CHCHD3: variants seen among roughly 807,000 people sequenced by gnomAD.
CHCHD3 encodes the protein coiled-coil-helix-coiled-coil-helix domain containing 3.
A neutral mutation model predicts 38.2 loss-of-function variants in CHCHD3; 20 were observed. The ratio of observed to expected loss-of-function variants is 0.52; its 90% CI spans 0.37 to 0.76. CHCHD3 has a LOEUF of 0.76. CHCHD3 is among the 30% of genes least tolerant of loss of function. The pLI is 0.00. For missense variants in CHCHD3, 245 were observed against 279.2 expected (o/e 0.88, Z 0.87); for synonymous variants, 82 against 100.0 (o/e 0.82, Z 1.07).
chr7:132,857,781 G>C (rs1005528169), intron 5 of CHCHD3, among the ~76,000 whole-genome samples: 2 of 152,188 alleles, frequency 1.3e-5, no homozygotes, highest in Non-Finnish European at 2.9e-5. Context: ...GACTGCTTGT[G>C]ACCTTGGGCA....
intron 4 of CHCHD3, among the ~76,000 whole-genome samples, chr7:132,933,964 A>G (rs945780865): frequency 2.0e-5 from 3 of 152,236 alleles, no homozygotes; most frequent in Non-Finnish European, 4.4e-5. Flanking sequence ...CCTTGCCTTC[A>G]GCCTAAACTT....
chr7:132,786,039 A>G (rs1166862982), intron 7 of CHCHD3, among the ~76,000 whole-genome samples: 1 of 152,130 alleles, frequency 6.6e-6, no homozygotes, highest in Non-Finnish European at 1.5e-5. Context: ...TTAGCTGGGC[A>G]TGGTGGTGTG....
At position 132,833,212 on chromosome 7, in the gene CHCHD3, C is replaced by A. The variant is rs182800415; in HGVS notation, c.524+5187G>T. On this transcript the variant is annotated intron_variant, in intron 6 of 7. Transcript: ENST00000262570. ...TAGCGCCATATAATAGAAACTAGCA[C>A]CCTAAGTTGTTATAAAATGCGACAT... Among the ~76,000 whole-genome samples, 280 of 152,200 alleles carry A rather than the reference C, an allele frequency of 1.8e-3. 1 individual carries two copies. Among genetic ancestry groups the A allele is most frequent in the African/African-American group, 6.4e-3 (267 of 41,520 alleles).
chr7:133,049,182 T>C (rs183705873), intron 2 of CHCHD3, among the ~76,000 whole-genome samples: 33 of 152,268 alleles, frequency 2.2e-4, no homozygotes, highest in African/African-American at 7.9e-4. Context: ...TGACGATAAA[T>C]TGCAGACATG....
chr7:132,930,246 A>G (rs1562911679), intron 4 of CHCHD3, among the ~76,000 whole-genome samples: 1 of 147,592 alleles, frequency 6.8e-6, no homozygotes, highest in Non-Finnish European at 1.5e-5. Flanking sequence ...CGCTCACTGC[A>G]ACCTCCACCT....
chr7:132,919,109 T>TC (rs1295028241), intron 4 of CHCHD3, among the ~76,000 whole-genome samples: 1 of 124,238 alleles, frequency 8.0e-6, no homozygotes, highest in Non-Finnish European at 1.7e-5. Context: ...TCTTTTTTTT[T>TC]TTTTTTTTTT....
chr7:133,007,008 T>C (rs1812719140), intron 3 of CHCHD3, among the ~76,000 whole-genome samples: 1 of 152,184 alleles, frequency 6.6e-6, no homozygotes, highest in South Asian at 2.1e-4. Flanking sequence ...ATATTTACCG[T>C]GGTTTTGTGT....
At chr7:133,074,617 T>G (rs896655403) in intron 1 of CHCHD3, among the ~76,000 whole-genome samples, 1 of 152,144 alleles carries the variant, frequency 6.6e-6, no homozygotes, top group African/African-American at 2.4e-5. Flanking sequence ...AGTCCAATGC[T>G]CTACTTTTAA....
chr7:133,006,136 GA>G (rs1812692538), intron 3 of CHCHD3, among the ~76,000 whole-genome samples: 2 of 152,054 alleles, frequency 1.3e-5, no homozygotes, highest in Admixed American at 1.3e-4. Flanking sequence ...AACACAAAAA[GA>G]CTATTCCATC....
At chr7:132,883,723 A>T (rs1337310774) in intron 5 of CHCHD3, among the ~76,000 whole-genome samples, 5 of 152,194 alleles carry the variant, frequency 3.3e-5, no homozygotes, top group Admixed American at 2.0e-4. Flanking sequence ...TGGTGTGCAA[A>T]GCCTAAAATA....
At chr7:132,909,371 G>A (rs1432111445) in intron 4 of CHCHD3, among the ~76,000 whole-genome samples, 7 of 152,036 alleles carry the variant, frequency 4.6e-5, no homozygotes, top group East Asian at 1.9e-4. Flanking sequence ...CGCATCTGTC[G>A]TCCCAGCTAC....
intron 4 of CHCHD3, among the ~76,000 whole-genome samples, chr7:132,964,818 A>C (rs1811417400): frequency 6.6e-6 from 1 of 152,214 alleles, no homozygotes; most frequent in African/African-American, 2.4e-5. Flanking sequence ...ACATAAGAGA[A>C]TGTTTTTAAA....
chr7:132,799,007 C>CTGTGTGTG lies in CHCHD3; in HGVS notation c.525-2438_525-2431dup, dbSNP rs58508838. Among the ~76,000 whole-genome samples, 158 of 145,588 alleles carry CTGTGTGTG rather than the reference C, an allele frequency of 1.1e-3. 2 individuals are homozygous for CTGTGTGTG. Among genetic ancestry groups the CTGTGTGTG allele is most frequent in the Admixed American group, 3.1e-3 (45 of 14,670 alleles). On this transcript the variant is annotated intron_variant, in intron 6 of 7. Transcript: ENST00000262570. The stretch of plus-strand genomic sequence containing the variant: ...TTGATTTCCTGTTTGGTGATCTGTT[C>CTGTGTGTG]TGTGTGTGTGTGTGTGTGTGTGTGT...
At chr7:132,998,170 C>T (rs1286797130) in intron 3 of CHCHD3, among the ~76,000 whole-genome samples, 3 of 152,148 alleles carry the variant, frequency 2.0e-5, no homozygotes, top group Non-Finnish European at 4.4e-5. Context: ...TCATTTTTTG[C>T]TTAGTTCAAC....
At chr7:132,901,890 C>G (rs1472518579) in intron 4 of CHCHD3, among the ~76,000 whole-genome samples, 2 of 152,142 alleles carry the variant, frequency 1.3e-5, no homozygotes, top group East Asian at 3.9e-4. Context: ...AGTCCTTGCC[C>G]ATGCCTATTC....
At chr7:132,817,068 G>A (rs1807218993) in intron 6 of CHCHD3, among the ~76,000 whole-genome samples, 1 of 152,194 alleles carries the variant, frequency 6.6e-6, no homozygotes, top group Admixed American at 6.5e-5. Flanking sequence ...GGAACTAAAA[G>A]AAAGATGGCG....
chr7:132,884,976 G>T (rs373539547), intron 5 of CHCHD3, among the ~76,000 whole-genome samples: 12 of 152,204 alleles, frequency 7.9e-5, no homozygotes, highest in African/African-American at 2.9e-4. Context: ...ATCCTGCCAG[G>T]TGCAGTGGCT....
intron 2 of CHCHD3, among the ~76,000 whole-genome samples, chr7:133,067,871 C>T (rs1190061035): frequency 6.6e-6 from 1 of 152,210 alleles, no homozygotes; most frequent in African/African-American, 2.4e-5. Flanking sequence ...AATCCCAGCA[C>T]TTTGGGAGGT....
At chr7:132,946,074 T>A (rs1810891908) in intron 4 of CHCHD3, among the ~76,000 whole-genome samples, 1 of 151,892 alleles carries the variant, frequency 6.6e-6, no homozygotes, top group Non-Finnish European at 1.5e-5. Flanking sequence ...ACATAAAAAA[T>A]CATACTGATG....
Sources: gnomAD v4.1 joint callset for allele counts (sites outside exome capture counted in the v4.1 genomes callset) on GRCh38, gnomAD v4.1.1 for gene constraint, MANE v1.5 for transcripts, NCBI Gene and HGNC (gene_info 2026-07-23, HGNC 2026-07-21) for gene names.